The following MMP16 variants were observed in gnomAD, a reference collection of about 807,000 sequenced individuals.
MMP16 encodes matrix metalloproteinase-16.
In MMP16, 12 loss-of-function variants were observed where a neutral mutation model predicts 67.8. The ratio of observed to expected loss-of-function variants is 0.18; its 90% confidence interval spans 0.11 to 0.29. The LOEUF (loss-of-function observed/expected upper bound fraction) is 0.29. Among genes scored for constraint, MMP16 ranks in the 10% least tolerant of loss-of-function variants. The pLI is 1.00. For synonymous variants in MMP16, 249 were observed against 255.9 expected (o/e 0.97, Z 0.26); for missense variants, 475 against 765.7 (o/e 0.62, Z 4.48).
intron 3 of MMP16, among the ~76,000 whole-genome samples, chr8:88,179,416 A>T (rs960716247): frequency 1.1e-4 from 16 of 151,816 alleles, no homozygotes; most frequent in Non-Finnish European, 5.9e-5. Flanking sequence ...AACTAAAAAC[A>T]CTTATTGTCT....
intron 1 of MMP16, among the ~76,000 whole-genome samples, chr8:88,302,325 G>C (rs1489745488): frequency 6.6e-6 from 1 of 152,194 alleles, no homozygotes; most frequent in African/African-American, 2.4e-5. Context: ...ACGTGGCATA[G>C]AAACCCCAAA....
chr8:88,322,711 G>A (rs1342441107), intron 1 of MMP16, among the ~76,000 whole-genome samples: 2 of 151,950 alleles, frequency 1.3e-5, no homozygotes, highest in Admixed American at 1.3e-4. Flanking sequence ...TGGGTATGGT[G>A]GTATGTGCCT....
intron 4 of MMP16, among the ~76,000 whole-genome samples, chr8:88,131,995 C>T (rs1240564147): frequency 6.6e-6 from 1 of 151,806 alleles, no homozygotes; most frequent in African/African-American, 2.4e-5. Flanking sequence ...ATGTCTTCTG[C>T]AGAGGTAGAA....
At chr8:88,127,052 A>T (rs1438697211) in intron 4 of MMP16, among the ~76,000 whole-genome samples, 1 of 151,902 alleles carries the variant, frequency 6.6e-6, no homozygotes, top group Non-Finnish European at 1.5e-5. Context: ...GATCGCAGTA[A>T]GTAAAAAGGC....
At chr8:88,090,834 T>G (rs937882187) in intron 6 of MMP16, among the ~76,000 whole-genome samples, 2 of 151,860 alleles carry the variant, frequency 1.3e-5, no homozygotes, top group Non-Finnish European at 2.9e-5. Context: ...ATATGTCTCA[T>G]GTGATCCAAT....
chr8:88,140,222 G>A (rs527914639), intron 4 of MMP16, among the ~76,000 whole-genome samples: 1 of 152,072 alleles, frequency 6.6e-6, no homozygotes, highest in African/African-American at 2.4e-5. Flanking sequence ...CTTGGGTCTC[G>A]GGTCTCATAT....
chr8:88,075,156 T>C (rs1403538443), intron 6 of MMP16, among the ~76,000 whole-genome samples: 3 of 152,050 alleles, frequency 2.0e-5, no homozygotes, highest in Non-Finnish European at 4.4e-5. Flanking sequence ...GAGGATGAAA[T>C]AGAGAGTCCA....
chr8:88,136,293 G>A (rs1396668267), intron 4 of MMP16, among the ~76,000 whole-genome samples: 2 of 151,836 alleles, frequency 1.3e-5, no homozygotes, highest in Non-Finnish European at 2.9e-5. Context: ...ACTAAGCACT[G>A]TAAGAGCTTG....
chr8:88,161,377 T>C (rs180723157), intron 4 of MMP16, among the ~76,000 whole-genome samples: 1,831 of 152,290 alleles, frequency 0.012, 8 homozygotes, highest in Non-Finnish European at 0.02. Context: ...TGTATTTCTG[T>C]GGGATCAGTG....
intron 6 of MMP16, among the ~76,000 whole-genome samples, chr8:88,103,077 T>A (rs28906380): frequency 0.06 from 9,048 of 151,896 alleles, 419 homozygotes; most frequent in Admixed American, 0.12. Context: ...CTTTCCATCT[T>A]CATTTCTCAA....
At chr8:88,091,623 G>A (rs1275702448) in intron 6 of MMP16, among the ~76,000 whole-genome samples, 1 of 151,684 alleles carries the variant, frequency 6.6e-6, no homozygotes, top group Non-Finnish European at 1.5e-5. Context: ...TTCCAATTAA[G>A]AGATAGATTC....
intron 2 of MMP16, among the ~76,000 whole-genome samples, chr8:88,188,155 G>T (rs1325392430): frequency 1.3e-5 from 2 of 152,200 alleles, no homozygotes; most frequent in East Asian, 3.9e-4. Flanking sequence ...AATATTACTG[G>T]ACTAGATGGA....
chr8:88,083,374 A>G (rs1215260570), intron 6 of MMP16, among the ~76,000 whole-genome samples: 1 of 152,094 alleles, frequency 6.6e-6, no homozygotes, highest in Non-Finnish European at 1.5e-5. Context: ...TCTGGGCTCA[A>G]GATAGGCTAA....
Position 88,186,505 on chromosome 8 carries a change from C to T in MMP16, c.375G>A (p.Gln125=). The T allele has an allele frequency of 6.2e-7, 1 of 1,605,842 alleles. No homozygotes were observed. The highest frequency in any genetic ancestry group is 8.5e-7 in the Non-Finnish European group (1 of 1,177,102). Residue 125 remains glutamine (Q), a synonymous_variant, in exon 3 of 10, where the codon CAG becomes CAA. Coordinates refer to ENST00000286614, the MANE Select transcript of MMP16 (RefSeq NM_005941.5). ...AAGTGATGTGCTTGTGCTGCCATTT[C>T]TGTCCTGTCAATGCATATCGCTTTC... The part of the protein sequence containing the change: ...IRRKRYALTG[Q]KWQHKHITYS...
At chr8:88,092,008 T>A (rs1808946617) in intron 6 of MMP16, among the ~76,000 whole-genome samples, 1 of 151,770 alleles carries the variant, frequency 6.6e-6, no homozygotes, top group Non-Finnish European at 1.5e-5. Context: ...AAGACTCCTG[T>A]ATGGCTAAGA....
In MMP16 at chr8:88,140,195, G is replaced by A. The variant is rs79624793; in HGVS notation, c.710-21334C>T. ...ACTTGCAAATTGGTGTTGGCCACTGGTGGAAGTCTATCTCCACTTGGGTCT... is the reference window on the plus strand; with the variant it reads ...ACTTGCAAATTGGTGTTGGCCACTGATGGAAGTCTATCTCCACTTGGGTCT... On this transcript the variant is annotated intron_variant, in intron 4 of 9. Coordinates refer to ENST00000286614, the MANE Select transcript of MMP16 (RefSeq NM_005941.5). Among the ~76,000 whole-genome samples the A allele has an allele frequency of 7.3e-3, 1,115 of 152,226 alleles. 10 individuals are homozygous for A. The highest frequency in any genetic ancestry group is 0.026 in the African/African-American group (1,067 of 41,544).
chr8:88,109,687 G>A (rs916217397), intron 6 of MMP16, among the ~76,000 whole-genome samples: 5 of 151,080 alleles, frequency 3.3e-5, no homozygotes, highest in African/African-American at 4.8e-5. Context: ...ATCTTGAAAC[G>A]AAACTTTGCT....
At chr8:88,234,531 A>G (rs1809911357) in intron 1 of MMP16, among the ~76,000 whole-genome samples, 1 of 152,244 alleles carries the variant, frequency 6.6e-6, no homozygotes, top group African/African-American at 2.4e-5. Context: ...TTTATAATTA[A>G]TGACTGCTTC....
intron 4 of MMP16, among the ~76,000 whole-genome samples, chr8:88,160,438 A>T (rs1017719473): frequency 3.9e-5 from 6 of 152,024 alleles, no homozygotes; most frequent in Non-Finnish European, 7.4e-5. Context: ...ATTTACAAGA[A>T]AAAAACAAAC....
Sources: allele counts gnomAD v4.1 joint callset (sites outside exome capture counted in the v4.1 genomes callset), GRCh38; gene constraint gnomAD v4.1.1; transcripts MANE v1.5; gene names NCBI Gene and HGNC (gene_info 2026-07-23, HGNC 2026-07-21).